Variants in SCO2 observed in about 807,000 individuals in gnomAD.
SCO2 encodes cytochrome c oxidase assembly factor SCO2.
For missense variants in SCO2, 429 were observed against 348.7 expected (o/e 1.23, Z -1.83); for synonymous variants, 195 against 148.6 (o/e 1.31, Z -2.27).
In SCO2 at chr22:50,523,722, C is replaced by G. The variant is rs2069190990; in HGVS notation, c.690G>C (p.Leu230=). The change falls in exon 2 of 2, where the codon CTG becomes CTC. Residue 230 remains leucine (L), a synonymous_variant. Coordinates refer to ENST00000395693, the MANE Select transcript of SCO2 (RefSeq NM_005138.3). The part of the protein sequence containing the change: ...YIVDHSIAIY[L]LNPDGLFTDY... The stretch of plus-strand genomic sequence containing the variant: ...CCGTGAAGAGGCCGTCAGGGTTGAG[C>G]AGGTAGATGGCAATGGAGTGGTCCA... The G allele has an allele frequency of 3.1e-6, 5 of 1,614,216 alleles. No homozygotes were observed. Among genetic ancestry groups the G allele is most frequent in the South Asian group, 1.1e-5 (1 of 91,084 alleles).
intron 1 of SCO2, chr22:50,524,840 G>A (rs1221562673): frequency 1.6e-5 from 6 of 367,306 alleles, no homozygotes; most frequent in African/African-American, 8.5e-5. Context: ...ACACTTTCCT[G>A]TTACCTCCAG....
chr22:50,525,568 G>T lies in SCO2; in HGVS notation c.-110C>A, dbSNP rs1052937536. On this transcript the variant is annotated 5_prime_UTR_variant, in exon 1 of 2. Coordinates refer to ENST00000395693, the MANE Select transcript of SCO2 (RefSeq NM_005138.3). ...CCCCGCCGGCTCAGGGAAAGCGGGC[G>T]CCACACGCTCACAGGCAGGGCGCAG... is the stretch of plus-strand genomic sequence containing the variant. 5.4e-6 allele frequency: 4 copies of T among 741,124 alleles called. No individual in the cohort carries two copies. Among genetic ancestry groups the T allele is most frequent in the Admixed American group, 5.4e-5 (2 of 37,382 alleles). The allele number at this position is 741,124 out of a possible 1,614,324, so 45.9% of individuals were successfully genotyped here. A position where few individuals can be genotyped will look rare whatever the true frequency, so the allele number is the denominator to read the frequency against.
At chr22:50,525,316 G>C in intron 1 of SCO2, 156 bp downstream of exon 1, 1 of 240,094 alleles carries the variant, frequency 4.2e-6, no homozygotes, top group South Asian at 4.4e-5. Flanking sequence ...GTGCCTGCTG[G>C]GAGCCTCCCA....
chr22:50,523,949 G>C lies in SCO2; in HGVS notation c.463C>G (p.Pro155Ala), dbSNP rs777864630. 3.1e-6 allele frequency: 5 copies of C among 1,612,370 alleles called. No individual in the cohort carries two copies. The highest frequency in any genetic ancestry group is 4.2e-6 in the Non-Finnish European group (5 of 1,179,004). The change falls in exon 2 of 2, where the codon CCT becomes GCT. Residue 155 changes from proline (P) to alanine (A), a missense_variant. Transcript: ENST00000395693. Reference protein sequence around the residue: ...VQVVRQLEAEPGLPPVQPVFI... With the variant: ...VQVVRQLEAEAGLPPVQPVFI... ...ACAGGCTGCACTGGAGGCAAACCAG[G>C]CTCTGCTTCCAGCTGCCGCACCACC...
upstream of SCO2, chr22:50,526,239 C>G (rs776978384): frequency 3.9e-6 from 6 of 1,533,986 alleles, no homozygotes; most frequent in Non-Finnish European, 5.2e-6. Flanking sequence ...ACTCCCCCGA[C>G]GCTCACCATC....
intron 1 of SCO2, chr22:50,524,756 G>A: frequency 2.0e-6 from 1 of 492,432 alleles, no homozygotes; most frequent in Non-Finnish European, 4.0e-6. Context: ...TTATCTATTT[G>A]CAATAAACCC....
Position 50,525,527 on chromosome 22 carries a change from A to C in SCO2, c.-69T>G, listed in dbSNP as rs1446905023. ...AGCACGAGAGGAAGCGCCGACCTCC[A>C]GCTCCCTGCGCTCTGCCCCGCCGGC... On this transcript the variant is annotated 5_prime_UTR_variant, in exon 1 of 2. Transcript: ENST00000395693. 8.5e-6 allele frequency: 5 copies of C among 590,624 alleles called. No homozygotes were observed. The highest frequency in any genetic ancestry group is 4.0e-5 in the African/African-American group (2 of 50,092). The allele number at this position is 590,624 out of a possible 1,614,324, so 36.6% of individuals were successfully genotyped here.
At chr22:50,526,256 C>T (rs763207893), upstream of SCO2, 5 of 1,532,004 alleles carry the variant, frequency 3.3e-6, no homozygotes, top group South Asian at 2.4e-5. Context: ...CATCTGCGGG[C>T]GCCAGCAGCT....
upstream of SCO2, chr22:50,525,972 G>A (rs1156333019): frequency 2.2e-6 from 3 of 1,384,362 alleles, no homozygotes; most frequent in African/African-American, 3.1e-5. Context: ...GCGGGGGTGC[G>A]GGGCCAGCAG....
At chr22:50,524,645 C>T in intron 1 of SCO2, 1 of 701,950 alleles carries the variant, frequency 1.4e-6, no homozygotes, top group Non-Finnish European at 2.7e-6. Flanking sequence ...CTGGGATCAC[C>T]AGCCTGTCAC....
upstream of SCO2, chr22:50,525,917 C>T (rs1209702988): frequency 3.3e-6 from 5 of 1,515,874 alleles, no homozygotes; most frequent in African/African-American, 7.2e-5. Flanking sequence ...GCCAGGGGGT[C>T]CCTGCAGAGC....
upstream of SCO2, chr22:50,526,183 C>A: frequency 6.8e-7 from 1 of 1,471,472 alleles, no homozygotes; most frequent in South Asian, 1.3e-5. Context: ...CGGGAAGGGG[C>A]GGGGCCTCGG....
upstream of SCO2, chr22:50,525,872 G>A (rs1469349055): frequency 5.7e-6 from 9 of 1,591,388 alleles, no homozygotes; most frequent in Non-Finnish European, 7.7e-6. Flanking sequence ...GGCTCTGCGG[G>A]CCGCTGAGCG....
chr22:50,525,603 G>C (rs984726109), upstream of SCO2: 3 of 1,047,722 alleles, frequency 2.9e-6, no homozygotes, highest in African/African-American at 4.9e-5. Flanking sequence ...GGCGTCCCCG[G>C]AGCTGCGCAT....
chr22:50,525,679 T>C (rs781395893), upstream of SCO2: 390 of 1,534,056 alleles, frequency 2.5e-4, no homozygotes, highest in Non-Finnish European at 1.3e-4. Flanking sequence ...CCGCCGGGGG[T>C]CACGTGTTCA....
upstream of SCO2, chr22:50,526,399 C>T (rs2069378823): frequency 2.6e-6 from 4 of 1,518,366 alleles, no homozygotes; most frequent in East Asian, 2.7e-5. Flanking sequence ...GCCGAGCCGT[C>T]GTCCAGCGCC....
chr22:50,526,367 C>A, upstream of SCO2: 1 of 1,544,012 alleles, frequency 6.5e-7, no homozygotes, highest in Non-Finnish European at 8.6e-7. Context: ...GCGCCGCCAG[C>A]ATCCGCTCGA....
chr22:50,526,147 G>A, upstream of SCO2: 8 of 1,482,496 alleles, frequency 5.4e-6, no homozygotes, highest in South Asian at 1.3e-5. Flanking sequence ...GGTGCCTGCG[G>A]GGAGAGGGGC....
upstream of SCO2, chr22:50,525,749 A>C (rs1235262958): frequency 6.2e-7 from 1 of 1,608,618 alleles, no homozygotes; most frequent in Admixed American, 1.7e-5. Context: ...AGCACTGACA[A>C]GGTTTCGCGG....
Sources: gnomAD v4.1 joint callset for allele counts on GRCh38, gnomAD v4.1.1 for gene constraint, MANE v1.5 for transcripts, NCBI Gene and HGNC (gene_info 2026-07-23, HGNC 2026-07-21) for gene names.